LRRTM4: variants seen among roughly 807,000 people sequenced by gnomAD.
LRRTM4 encodes leucine rich repeat transmembrane neuronal 4.
Under a neutral mutation model 47.6 loss-of-function variants are expected in LRRTM4, and 25 were observed. The observed-to-expected ratio is 0.53, with a 90% confidence interval of 0.38 to 0.73. The LOEUF is 0.73. Ranked by LOEUF, LRRTM4 falls within the 30% of genes least tolerant of loss-of-function variation. The pLI, the probability that LRRTM4 is intolerant of heterozygous loss-of-function variation, is 0.00. For missense variants in LRRTM4, 638 were observed against 713.4 expected (o/e 0.89, Z 1.20); for synonymous variants, 311 against 269.5 (o/e 1.15, Z -1.51).
At chr2:77,342,223 G>T (rs1671398099) in intron 3 of LRRTM4, among the ~76,000 whole-genome samples, 1 of 151,950 alleles carries the variant, frequency 6.6e-6, no homozygotes, top group African/African-American at 2.4e-5. Context: ...ACAAATGTTA[G>T]AAGTCAATAG....
chr2:76,797,300 G>GGGCCAATA (rs1460021040), intron 3 of LRRTM4, among the ~76,000 whole-genome samples: 1 of 151,860 alleles, frequency 6.6e-6, no homozygotes, highest in African/African-American at 2.4e-5. Flanking sequence ...AAGAGAGTGG[G>GGGCCAATA]GGCCAATATT....
chr2:76,976,871 G>A (rs180691054), intron 3 of LRRTM4, among the ~76,000 whole-genome samples: 68 of 151,828 alleles, frequency 4.5e-4, no homozygotes, highest in Admixed American at 2.3e-3. Context: ...AACAATAAAT[G>A]TTCTATGTGA....
At chr2:76,845,974 A>AT (rs1671827104) in intron 3 of LRRTM4, among the ~76,000 whole-genome samples, 1 of 152,104 alleles carries the variant, frequency 6.6e-6, no homozygotes, top group Non-Finnish European at 1.5e-5. Context: ...TTATACACGG[A>AT]TTTTTTTCAA....
In LRRTM4 at chr2:77,079,033, G is replaced by A. The variant is rs904161611; in HGVS notation, c.1552-330117C>T. 5.9e-5 allele frequency among the ~76,000 whole-genome samples: 9 copies of A among 152,058 alleles called. No individual in the cohort carries two copies. In the East Asian group the frequency reaches 1.7e-3, roughly 29 times the overall value. On this transcript the variant is annotated intron_variant, in intron 3 of 3. Coordinates refer to ENST00000409884, the MANE Select transcript of LRRTM4 (RefSeq NM_001134745.3). ...ATTCATATAAGGACTAAGGCCTCGC[G>A]ATCTAACACTTCCCCCAAAGCTCCA...
intron 3 of LRRTM4, among the ~76,000 whole-genome samples, chr2:76,936,938 G>C (rs1415997203): frequency 5.2e-5 from 5 of 95,654 alleles, no homozygotes; most frequent in African/African-American, 1.7e-4. Flanking sequence ...CTGGGCGACA[G>C]AGCAAGACTC....
chr2:77,317,148 A>G (rs1677642052), intron 3 of LRRTM4, among the ~76,000 whole-genome samples: 1 of 152,218 alleles, frequency 6.6e-6, no homozygotes, highest in Non-Finnish European at 1.5e-5. Context: ...AAAGTGAAAA[A>G]AAGTTAAATA....
intron 3 of LRRTM4, among the ~76,000 whole-genome samples, chr2:77,491,752 T>A (rs1325727309): frequency 1.3e-5 from 2 of 152,006 alleles, no homozygotes; most frequent in African/African-American, 4.8e-5. Flanking sequence ...AGAGTCCTTT[T>A]CTCAGGCAGT....
intron 3 of LRRTM4, among the ~76,000 whole-genome samples, chr2:77,094,742 A>T (rs1670760769): frequency 1.3e-5 from 2 of 152,208 alleles, no homozygotes; most frequent in Admixed American, 1.3e-4. Context: ...CAAAAGAATG[A>T]AATTGGATAC....
Position 76,821,057 on chromosome 2 carries a change from A to G in LRRTM4, c.1552-72141T>C, listed in dbSNP as rs557772039. Among the ~76,000 whole-genome samples the G allele has an allele frequency of 5.3e-5, 8 of 151,714 alleles. No homozygotes were observed. In the South Asian group the frequency reaches 1.0e-3, roughly 20 times the overall value. ...CAAGGGTCTATATTCCACTGATCCT[A>G]TAAGTACAAAACATAAGTAGAAGAC... is the stretch of plus-strand genomic sequence containing the variant. On this transcript the variant is annotated intron_variant, in intron 3 of 3. Transcript: ENST00000409884.
chr2:77,321,587 G>GAAAAGAA (rs1553428234), intron 3 of LRRTM4, among the ~76,000 whole-genome samples: 11 of 68,756 alleles, frequency 1.6e-4, no homozygotes, highest in South Asian at 4.8e-4. Flanking sequence ...GAAAAGAAAA[G>GAAAAGAA]AAAAGAAAAA....
At position 76,986,706 on chromosome 2, in the gene LRRTM4, C is replaced by T. The variant is rs147688487; in HGVS notation, c.1552-237790G>A. On this transcript the variant is annotated intron_variant, in intron 3 of 3. Coordinates refer to ENST00000409884, the MANE Select transcript of LRRTM4 (RefSeq NM_001134745.3). ...AAATCAACAGGGAGAAAACCTGAGC[C>T]GAGAGACAGAAAATGAGGTAGATCT... 3.7e-3 allele frequency among the ~76,000 whole-genome samples: 565 copies of T among 151,862 alleles called. 4 individuals carry two copies. The highest frequency in any genetic ancestry group is 0.013 in the African/African-American group (532 of 41,466).
At chr2:77,215,452 A>C (rs1333909610) in intron 3 of LRRTM4, among the ~76,000 whole-genome samples, 1 of 152,208 alleles carries the variant, frequency 6.6e-6, no homozygotes, top group African/African-American at 2.4e-5. Context: ...CTTTAAGAAA[A>C]TGTCATGGGC....
At chr2:77,318,133 A>G (rs938710167) in intron 3 of LRRTM4, among the ~76,000 whole-genome samples, 1 of 150,456 alleles carries the variant, frequency 6.6e-6, no homozygotes, top group African/African-American at 2.5e-5. Flanking sequence ...CAGCCTCCCG[A>G]GTAGCTGGGA....
At chr2:76,962,585 C>T (rs1233931203) in intron 3 of LRRTM4, among the ~76,000 whole-genome samples, 1 of 149,620 alleles carries the variant, frequency 6.7e-6, no homozygotes, top group East Asian at 2.0e-4. Flanking sequence ...ACTACTTCAC[C>T]ATTTAAAACC....
intron 3 of LRRTM4, among the ~76,000 whole-genome samples, chr2:77,472,482 C>T (rs971633245): frequency 6.6e-6 from 1 of 151,772 alleles, no homozygotes; most frequent in Non-Finnish European, 1.5e-5. Context: ...ACTTATAGAA[C>T]ATAACTACCA....
chr2:77,058,238 G>A (rs886097672), intron 3 of LRRTM4, among the ~76,000 whole-genome samples: 1 of 152,048 alleles, frequency 6.6e-6, no homozygotes, highest in Non-Finnish European at 1.5e-5. Flanking sequence ...TAGTTAGTGG[G>A]TATTTTTTTA....
At chr2:76,793,059 TTTAGCAGTA>T (rs1675062245) in intron 3 of LRRTM4, among the ~76,000 whole-genome samples, 1 of 152,172 alleles carries the variant, frequency 6.6e-6, no homozygotes, top group African/African-American at 2.4e-5. Context: ...AAATCAAGGC[TTTAGCAGTA>T]TTAAATAACT....
At chr2:77,179,184 A>G (rs1262779989) in intron 3 of LRRTM4, among the ~76,000 whole-genome samples, 1 of 152,218 alleles carries the variant, frequency 6.6e-6, no homozygotes, top group East Asian at 1.9e-4. Flanking sequence ...TAAGTGGTAA[A>G]GAAGCAAAAC....
rs1260830728 is a variant in LRRTM4 at position 77,083,502 on chromosome 2, A to C, written c.1552-334586T>G. ...AACAGTGGAAACCAGTAAGCTGACC[A>C]AAAACATGACCAAATTAGCTACACA... On this transcript the variant is annotated intron_variant, in intron 3 of 3. Coordinates refer to ENST00000409884, the MANE Select transcript of LRRTM4 (RefSeq NM_001134745.3). Among the ~76,000 whole-genome samples, 3 of 152,176 alleles carry C rather than the reference A, an allele frequency of 2.0e-5. No individual in the cohort carries two copies. In the East Asian group the frequency reaches 5.8e-4, roughly 29 times the overall value.
Sources: allele counts gnomAD v4.1 joint callset (sites outside exome capture counted in the v4.1 genomes callset), GRCh38; gene constraint gnomAD v4.1.1; transcripts MANE v1.5; gene names NCBI Gene and HGNC (gene_info 2026-07-23, HGNC 2026-07-21).